Variants in SYNPO2 observed in about 807,000 individuals in gnomAD.
SYNPO2 encodes synaptopodin 2.
In SYNPO2, 56 loss-of-function variants were observed where a neutral mutation model predicts 85.0. The ratio of observed to expected loss-of-function variants is 0.66; its 90% confidence interval spans 0.53 to 0.82. SYNPO2 has a LOEUF of 0.82. Among genes scored for constraint, SYNPO2 ranks in the 40% least tolerant of loss-of-function variants. The probability of loss-of-function intolerance (pLI) is 0.00; values close to 1 mark genes in which losing one functional copy is unlikely to be tolerated. For missense variants in SYNPO2, 1,575 were observed against 1,534.2 expected (o/e 1.03, Z -0.44); for synonymous variants, 602 against 591.1 (o/e 1.02, Z -0.27).
chr4:119,047,338 C>A (rs572302538), intron 4 of SYNPO2, among the ~76,000 whole-genome samples: 17 of 152,212 alleles, frequency 1.1e-4, no homozygotes, highest in Non-Finnish European at 2.2e-4. Flanking sequence ...GGATTACAGG[C>A]GTAAGCCACT....
intron 1 of SYNPO2, among the ~76,000 whole-genome samples, chr4:118,894,542 T>TGGGGGAACGTC (rs543251176): frequency 7.5e-6 from 1 of 132,706 alleles, no homozygotes; most frequent in Non-Finnish European, 1.6e-5. Context: ...GTGGACGTGT[T>TGGGGGAACGTC]GGGGGAACGT....
intron 1 of SYNPO2, among the ~76,000 whole-genome samples, chr4:118,862,996 A>G (rs1421620489): frequency 6.6e-6 from 1 of 152,028 alleles, no homozygotes; most frequent in Non-Finnish European, 1.5e-5. Flanking sequence ...TTTTTTGTAG[A>G]GACGGGATTT....
chr4:119,048,517 T>G (rs1266863456), intron 4 of SYNPO2, among the ~76,000 whole-genome samples: 3 of 152,166 alleles, frequency 2.0e-5, no homozygotes, highest in Admixed American at 6.5e-5. Flanking sequence ...TTTATTATGT[T>G]AGATGAGTGT....
At chr4:118,993,986 G>A (rs1330094121) in intron 1 of SYNPO2, among the ~76,000 whole-genome samples, 1 of 152,208 alleles carries the variant, frequency 6.6e-6, no homozygotes, top group African/African-American at 2.4e-5. Flanking sequence ...TCAGTCCTAT[G>A]CACTGCCCCT....
chr4:118,885,982 C>A (rs1475587387), upstream of SYNPO2, among the ~76,000 whole-genome samples: 1 of 152,182 alleles, frequency 6.6e-6, no homozygotes. Context: ...TAATACCTAT[C>A]TAGCATGGTT....
intron 1 of SYNPO2, among the ~76,000 whole-genome samples, chr4:118,878,940 C>T (rs1303879198): frequency 6.6e-6 from 1 of 152,148 alleles, no homozygotes; most frequent in African/African-American, 2.4e-5. Flanking sequence ...GTTTTTGGGT[C>T]CGCACTACCT....
intron 1 of SYNPO2, among the ~76,000 whole-genome samples, chr4:118,915,654 T>A (rs1308185979): frequency 2.0e-5 from 3 of 152,156 alleles, no homozygotes; most frequent in Non-Finnish European, 4.4e-5. Flanking sequence ...AGAACATGTT[T>A]CCTCTTGTAC....
At chr4:118,959,023 T>A (rs1578585558) in intron 1 of SYNPO2, among the ~76,000 whole-genome samples, 1 of 152,204 alleles carries the variant, frequency 6.6e-6, no homozygotes, top group East Asian at 1.9e-4. Context: ...ATATTTCTAT[T>A]CAAAGGATTT....
intron 1 of SYNPO2, among the ~76,000 whole-genome samples, chr4:119,019,548 A>G (rs1737641167): frequency 6.9e-6 from 1 of 144,654 alleles, no homozygotes; most frequent in African/African-American, 2.4e-5. Context: ...AAAATATTTT[A>G]TATGTAACTC....
intron 1 of SYNPO2, among the ~76,000 whole-genome samples, chr4:118,992,854 T>C (rs1487074288): frequency 6.6e-6 from 1 of 152,152 alleles, no homozygotes; most frequent in African/African-American, 2.4e-5. Flanking sequence ...CCCACCAATT[T>C]TGGGACCCTG....
intron 4 of SYNPO2, among the ~76,000 whole-genome samples, chr4:119,056,640 A>G (rs1399569634): frequency 2.0e-5 from 3 of 152,178 alleles, no homozygotes; most frequent in African/African-American, 7.2e-5. Flanking sequence ...AGGGATACAA[A>G]CTCTCAAAGA....
chr4:118,939,259 G>A (rs571553377), intron 1 of SYNPO2, among the ~76,000 whole-genome samples: 5 of 152,298 alleles, frequency 3.3e-5, no homozygotes, highest in Admixed American at 6.5e-5. Flanking sequence ...TTTAACCGTC[G>A]TGTCCTATTT....
chr4:118,874,763 G>GA (rs768619504), intron 1 of SYNPO2, among the ~76,000 whole-genome samples: 7 of 151,058 alleles, frequency 4.6e-5, no homozygotes, highest in African/African-American at 9.7e-5. Context: ...TTTAAAATGA[G>GA]AAAAAAAACA....
At chr4:118,868,048 T>TAAAAAAA (rs34145856) in intron 1 of SYNPO2, among the ~76,000 whole-genome samples, 1 of 146,180 alleles carries the variant, frequency 6.8e-6, no homozygotes, top group East Asian at 2.0e-4. Context: ...TCCTTTCATT[T>TAAAAAAA]AAAAAAAAAA....
chr4:119,033,884 A>C (rs1738387547), intron 4 of SYNPO2: 1 of 985,230 alleles, frequency 1.0e-6, no homozygotes, highest in African/African-American at 1.7e-5. Flanking sequence ...TGTAATCCTT[A>C]GGTATTTCTA....
chr4:118,873,327 TTCCTGTTC>T (rs1188100657), intron 1 of SYNPO2, among the ~76,000 whole-genome samples: 1 of 152,202 alleles, frequency 6.6e-6, no homozygotes, highest in Admixed American at 6.5e-5. Context: ...GTATAAGTGT[TTCCTGTTC>T]TCCACATTTT....
intron 1 of SYNPO2, among the ~76,000 whole-genome samples, chr4:118,875,686 C>T (rs961425521): frequency 3.3e-5 from 5 of 152,082 alleles, no homozygotes; most frequent in East Asian, 1.9e-4. Flanking sequence ...TGATTAGAAG[C>T]GTTTTCCAAA....
chr4:119,039,053 T>C (rs1439631638), intron 4 of SYNPO2, among the ~76,000 whole-genome samples: 2 of 152,160 alleles, frequency 1.3e-5, no homozygotes, highest in Non-Finnish European at 2.9e-5. Flanking sequence ...ACTCATTACA[T>C]TTGCAGAGCT....
intron 4 of SYNPO2, among the ~76,000 whole-genome samples, chr4:119,048,984 A>G (rs916606614): frequency 6.6e-6 from 1 of 152,240 alleles, no homozygotes; most frequent in Non-Finnish European, 1.5e-5. Flanking sequence ...AACTAAAGGA[A>G]GCAAGAATGA....
Sources: allele counts gnomAD v4.1 joint callset (sites outside exome capture counted in the v4.1 genomes callset), GRCh38; gene constraint gnomAD v4.1.1; transcripts MANE v1.5; gene names NCBI Gene and HGNC (gene_info 2026-07-23, HGNC 2026-07-21).